SPAG5: variants seen among roughly 807,000 people sequenced by gnomAD.
SPAG5 encodes sperm associated antigen 5.
Under a neutral mutation model 145.4 loss-of-function variants are expected in SPAG5, and 99 were observed. That is an observed-to-expected ratio of 0.68 (90% CI 0.58 to 0.80). SPAG5 has a LOEUF of 0.80. SPAG5 is among the 30% of genes least tolerant of loss of function. The pLI is 0.00. For missense variants in SPAG5, 1,192 were observed against 1,416.0 expected, an observed-to-expected ratio of 0.84 and a Z score of 2.54; for synonymous variants, 477 against 525.4, an observed-to-expected ratio of 0.91 and a Z score of 1.26.
rs549203859 is a variant in SPAG5, at chr17:28,593,123, A to G, written c.178-57T>C. On this transcript the variant is annotated intron_variant, in intron 2 of 23. Coordinates refer to ENST00000321765, the MANE Select transcript of SPAG5 (RefSeq NM_006461.4). ...GCAGTCAATTCAGTTCCCGACATAC[A>G]ATTACAGGTGCAAGATAGTGCACTC... is the stretch of plus-strand genomic sequence containing the variant. 199 of 1,576,548 alleles carry G rather than the reference A, an allele frequency of 1.3e-4. 2 individuals carry two copies. In the East Asian group the frequency reaches 4.2e-3, roughly 33 times the overall value.
intron 2 of SPAG5, among the ~76,000 whole-genome samples, chr17:28,593,759 C>G (rs776172489): frequency 2.7e-4 from 41 of 151,628 alleles, no homozygotes; most frequent in Non-Finnish European, 5.3e-4. Context: ...AAAGGTAGAC[C>G]CTAACAAAAC....
chr17:28,586,313 A>G, intron 5 of SPAG5, 112 bp downstream of exon 5: 2 of 1,239,174 alleles, frequency 1.6e-6, no homozygotes, highest in Non-Finnish European at 2.4e-6. Context: ...AATGTTTGGA[A>G]ACCTCCCTTC....
Position 28,585,415 on chromosome 17 carries a change from C to A in SPAG5, c.1861-4G>T, listed in dbSNP as rs534864055. On this transcript the variant is annotated splice_region_variant and splice_polypyrimidine_tract_variant and intron_variant, in intron 8 of 23. Coordinates refer to ENST00000321765, the MANE Select transcript of SPAG5 (RefSeq NM_006461.4). ...CTTGCTTGGCATGAAGCCCTACCTA[C>A]AAAAGAAAGATTGCCTAGGCGGGAA... is the stretch of plus-strand genomic sequence containing the variant. The A allele has an allele frequency of 1.9e-6, 3 of 1,614,190 alleles. No homozygotes were observed. The African/African-American group carries it at 4.0e-5, about 22-fold the overall frequency.
At position 28,578,368 on chromosome 17, in the gene SPAG5, G is replaced by A; in HGVS notation, c.3354+5C>T. The A allele has an allele frequency of 6.2e-7, 1 of 1,614,138 alleles. No homozygotes were observed. Among genetic ancestry groups the A allele is most frequent in the Non-Finnish European group, 8.5e-7 (1 of 1,179,986 alleles). ...TGTCCAGCTCCTCTGTTAACTCTGAGTCACCTCCTGAGAGAGCCACACTTT... is the reference window on the plus strand; with the variant it reads ...TGTCCAGCTCCTCTGTTAACTCTGAATCACCTCCTGAGAGAGCCACACTTT... On this transcript the variant is annotated splice_donor_5th_base_variant and intron_variant, in intron 21 of 23. Coordinates refer to ENST00000321765, the MANE Select transcript of SPAG5 (RefSeq NM_006461.4).
intron 2 of SPAG5, among the ~76,000 whole-genome samples, chr17:28,596,732 C>G (rs544714153): frequency 6.6e-6 from 1 of 152,060 alleles, no homozygotes; most frequent in Non-Finnish European, 1.5e-5. Context: ...TAATTTCCAC[C>G]TAGTACTTAT....
At position 28,593,024 on chromosome 17, in the gene SPAG5, TG is replaced by T. The variant is rs1403704130; in HGVS notation, c.219del (p.Asn73LysfsTer18). 1 of 1,614,160 alleles carries T rather than the reference TG, an allele frequency of 6.2e-7. No individual in the cohort carries two copies. The highest frequency in any genetic ancestry group is 1.1e-5 in the South Asian group (1 of 91,082). On this transcript the variant is annotated frameshift_variant, in exon 3 of 24. Coordinates refer to ENST00000321765, the MANE Select transcript of SPAG5 (RefSeq NM_006461.4). LOFTEE classifies it high-confidence loss of function. ...NNSSPVDFVN[N>X]KRTDLSSEHF... The stretch of plus-strand genomic sequence containing the variant: ...TGTTCTGAAGATAAGTCTGTCCTCT[TG>T]TTATTTACAAAATCCACTGGAGATG...
Position 28,584,200 on chromosome 17 carries a change from G to C in SPAG5, c.2362C>G (p.Gln788Glu), listed in dbSNP as rs767284655. 6.2e-7 allele frequency: 1 copy of C among 1,613,844 alleles called. No individual in the cohort carries two copies. Among genetic ancestry groups the C allele is most frequent in the South Asian group, 1.1e-5 (1 of 91,090 alleles). Residue 788 changes from glutamine to glutamate, a missense_variant, in exon 13 of 24, where the codon CAA becomes GAA. Transcript: ENST00000321765. ...ACCTCTTTGGCCAGGACAGCTTGTT[G>C]CTGCTGCAGTTCTGCCTGCATGTGT... ...LKHMQAELQQ[Q>E]QAVLAKEVRD...
chr17:28,583,667 G>A lies in SPAG5; in HGVS notation c.2547-18C>T, dbSNP rs2070563654. 6.3e-7 allele frequency: 1 copy of A among 1,584,884 alleles called. No individual in the cohort carries two copies. The highest frequency in any genetic ancestry group is 8.6e-7 in the Non-Finnish European group (1 of 1,168,460). On this transcript the variant is annotated intron_variant, in intron 14 of 23. Coordinates refer to ENST00000321765, the MANE Select transcript of SPAG5 (RefSeq NM_006461.4). Reference sequence around the variant, plus strand: ...GTTTAGCCCTGAAATAAGGAACAGGGAAGATGACCAAAGACCAAATTACCT... The same window carrying A: ...GTTTAGCCCTGAAATAAGGAACAGGAAAGATGACCAAAGACCAAATTACCT...
In SPAG5 at chr17:28,578,214, T is replaced by C; in HGVS notation, c.3429+4A>G. ...TGGCCCTGGAATGGCATGGACATTC[T>C]TACATGGCTCTGGAACTTGATCATG... On this transcript the variant is annotated splice_donor_region_variant and intron_variant, in intron 22 of 23. Transcript: ENST00000321765. The C allele has an allele frequency of 6.2e-7, 1 of 1,614,150 alleles. No homozygotes were observed. The highest frequency in any genetic ancestry group is 8.5e-7 in the Non-Finnish European group (1 of 1,179,966).
intron 2 of SPAG5, 139 bp downstream of exon 2, chr17:28,598,371 C>T: frequency 9.4e-7 from 1 of 1,066,846 alleles, no homozygotes; most frequent in Non-Finnish European, 1.3e-6. Flanking sequence ...CTCTGTTGGC[C>T]TGAATAGCTG....
chr17:28,579,105 GTTC>G (rs761501120), intron 19 of SPAG5, 33 bp downstream of exon 19: 18 of 1,552,718 alleles, frequency 1.2e-5, no homozygotes, highest in Middle Eastern at 2.3e-4. Flanking sequence ...AGCTGCCCCA[GTTC>G]TTCATCGCCC....
chr17:28,592,393 G>A lies in SPAG5; in HGVS notation c.851C>T (p.Thr284Ile), dbSNP rs771844176. 16 of 1,614,130 alleles carry A rather than the reference G, an allele frequency of 9.9e-6. No homozygotes were observed. The highest frequency in any genetic ancestry group is 1.6e-4 in the Middle Eastern group (1 of 6,062). ...AMEEREMRFP[T>I]HPKESETEDQ... ...TTCTGTTTCAGACTCCTTAGGATGTGTGGGAAACCTCATTTCTCTTTCCTC... is the reference window on the plus strand; with the variant it reads ...TTCTGTTTCAGACTCCTTAGGATGTATGGGAAACCTCATTTCTCTTTCCTC... Residue 284 changes from threonine (T) to isoleucine (I), a missense_variant, in exon 3 of 24, where the codon ACA becomes ATA. Physicochemically the swap from Thr to Ile is moderately conservative, Grantham distance 89. Coordinates refer to ENST00000321765, the MANE Select transcript of SPAG5 (RefSeq NM_006461.4).
Position 28,590,895 on chromosome 17 carries a change from T to G in SPAG5, c.1437+803A>C, listed in dbSNP as rs1181536560. ...AAAAAAAAAAAAAAAAAAAAAAAAC[T>G]AAAAGTATAATTGGATTGCTTGTAA... On this transcript the variant is annotated intron_variant, in intron 4 of 23. Coordinates refer to ENST00000321765, the MANE Select transcript of SPAG5 (RefSeq NM_006461.4). Among the ~76,000 whole-genome samples the G allele has an allele frequency of 4.4e-5, 5 of 113,268 alleles. 1 individual carries two copies. Among genetic ancestry groups the G allele is most frequent in the South Asian group, 5.6e-4 (2 of 3,564 alleles). The allele number at this position is 113,268 out of a possible 152,430, so 74.3% of individuals were successfully genotyped here. A position where few individuals can be genotyped will look rare whatever the true frequency, so the allele number is the denominator to read the frequency against.
rs1597595735 is a variant in SPAG5, at chr17:28,585,264, C to T, written c.1954-49G>A. Reference sequence around the variant, plus strand: ...AGTAGAGCACACTTGAGGCAAAGCTCACAACAGGACTTGATGTGAGTAAGG... The same window carrying T: ...AGTAGAGCACACTTGAGGCAAAGCTTACAACAGGACTTGATGTGAGTAAGG... On this transcript the variant is annotated intron_variant, in intron 9 of 23. Coordinates refer to ENST00000321765, the MANE Select transcript of SPAG5 (RefSeq NM_006461.4). The T allele has an allele frequency of 4.3e-6, 7 of 1,611,530 alleles. No individual in the cohort carries two copies. In the African/African-American group the frequency reaches 9.3e-5, roughly 21 times the overall value.
chr17:28,589,955 C>T (rs773249809), intron 4 of SPAG5, among the ~76,000 whole-genome samples: 2 of 152,112 alleles, frequency 1.3e-5, no homozygotes, highest in Non-Finnish European at 2.9e-5. Flanking sequence ...ATCTCTGCAA[C>T]AACAATGAAA....
intron 4 of SPAG5, among the ~76,000 whole-genome samples, chr17:28,587,098 A>G (rs141113304): frequency 6.6e-6 from 1 of 152,232 alleles, no homozygotes; most frequent in East Asian, 1.9e-4. Context: ...GTCAGAAAGA[A>G]AAATCCACAG....
chr17:28,587,521 G>A (rs756834928), intron 4 of SPAG5, among the ~76,000 whole-genome samples: 38 of 151,724 alleles, frequency 2.5e-4, no homozygotes, highest in Non-Finnish European at 4.6e-4. Flanking sequence ...CCCCAGCCTG[G>A]GCAACAAGAG....
Position 28,592,128 on chromosome 17 carries a change from A to G in SPAG5, c.1116T>C (p.Ala372=). 2 of 1,614,158 alleles carry G rather than the reference A, an allele frequency of 1.2e-6. No individual in the cohort carries two copies. Among genetic ancestry groups the G allele is most frequent in the African/African-American group, 2.7e-5 (2 of 75,022 alleles). The part of the protein sequence containing the change: ...SLSLPSMLRD[A]AIGTTPFSTC... Reference sequence around the variant, plus strand: ...TAGAGAAAGGGGTAGTGCCAATTGCAGCATCCCGAAGCATCGAGGGAAGGG... The same window carrying G: ...TAGAGAAAGGGGTAGTGCCAATTGCGGCATCCCGAAGCATCGAGGGAAGGG... Residue 372 remains alanine (A), a synonymous_variant, in exon 3 of 24, where the codon GCT becomes GCC. Coordinates refer to ENST00000321765, the MANE Select transcript of SPAG5 (RefSeq NM_006461.4).
chr17:28,583,741 A>G, intron 14 of SPAG5, 92 bp from the exon 15 acceptor site: 3 of 1,541,618 alleles, frequency 1.9e-6, no homozygotes, highest in South Asian at 1.3e-5. Context: ...TAAAGGAGAG[A>G]AACAAGAGGC....
Sources: gnomAD v4.1 joint callset for allele counts (sites outside exome capture counted in the v4.1 genomes callset) on GRCh38, gnomAD v4.1.1 for gene constraint, MANE v1.5 for transcripts, NCBI Gene and HGNC (gene_info 2026-07-23, HGNC 2026-07-21) for gene names.